Variants in STARD9 observed in about 807,000 individuals in gnomAD.
STARD9 encodes StAR related lipid transfer domain containing 9.
Under a neutral mutation model 399.8 loss-of-function variants are expected in STARD9, and 346 were observed. The ratio of observed to expected loss-of-function variants is 0.87; its 90% CI spans 0.79 to 0.95. The LOEUF is 0.95. STARD9 is among the 40% of genes least tolerant of loss of function. The pLI is 0.00. For missense variants in STARD9, 5,832 were observed against 5,667.5 expected (o/e 1.03, Z -0.93); for synonymous variants, 2,203 against 2,143.5 (o/e 1.03, Z -0.77).
chr15:42,636,396 T>G (rs2059418515), intron 4 of STARD9, among the ~76,000 whole-genome samples: 1 of 151,672 alleles, frequency 6.6e-6, no homozygotes, highest in Non-Finnish European at 1.5e-5. Context: ...GCCTGGCCAA[T>G]ATGGTGAAAC....
chr15:42,665,244 G>T lies in STARD9; in HGVS notation c.1177-9G>T, dbSNP rs1288357889. 2.6e-6 allele frequency: 4 copies of T among 1,535,336 alleles called. No individual in the cohort carries two copies. In the South Asian group the frequency reaches 4.8e-5, roughly 18 times the overall value. On this transcript the variant is annotated splice_polypyrimidine_tract_variant and intron_variant, in intron 13 of 32. Coordinates refer to ENST00000290607, the MANE Select transcript of STARD9 (RefSeq NM_020759.3). ...ACAATCAGTGGTGATGGAGTTCTCT[G>T]TGTTTCAGGATGCAAACTTAAAACT...
At position 42,695,789 on chromosome 15, in the gene STARD9, C is replaced by T. The variant is rs2060832941; in HGVS notation, c.13193C>T (p.Thr4398Ile). The change falls in exon 26 of 33, where the codon ACC becomes ATC. Residue 4398 changes from threonine to isoleucine, a missense_variant. Around this residue, in one of 2 missense-constraint regions of STARD9, gnomAD observed 5,828 missense variants for 5,651.1 expected, o/e 1.03. Coordinates refer to ENST00000290607, the MANE Select transcript of STARD9 (RefSeq NM_020759.3). ...TTGGCCAATTCCAGCTCCCTGTGCA[C>T]CAGCTCTAATGGAAGCCTCTCGTCT... ...HTLANSSSLCTSSNGSLSSGM... is the reference protein window; with the variant it reads ...HTLANSSSLCISSNGSLSSGM... 2 of 1,537,130 alleles carry T rather than the reference C, an allele frequency of 1.3e-6. No homozygotes were observed. Among genetic ancestry groups the T allele is most frequent in the African/African-American group, 2.7e-5 (2 of 73,052 alleles).
At chr15:42,695,528 AG>A (rs1770725768) in intron 25 of STARD9, among the ~76,000 whole-genome samples, 1 of 152,144 alleles carries the variant, frequency 6.6e-6, no homozygotes. Flanking sequence ...TGGGAGGAAG[AG>A]GCTTTGGTGT....
intron 13 of STARD9, among the ~76,000 whole-genome samples, chr15:42,664,823 C>CACACACAT (rs71431859): frequency 3.6e-4 from 55 of 151,588 alleles, no homozygotes; most frequent in African/African-American, 1.3e-3. Context: ...CACACACACA[C>CACACACAT]ACCCCATACG....
At chr15:42,637,859 G>A (rs1165084922) in intron 4 of STARD9, 48 bp from the exon 5 acceptor site, 2 of 1,530,436 alleles carry the variant, frequency 1.3e-6, no homozygotes, top group Non-Finnish European at 8.8e-7. Context: ...GTGGGGGAGA[G>A]CATCATCTTA....
At chr15:42,712,440 T>A (rs551060551) in intron 26 of STARD9, among the ~76,000 whole-genome samples, 1 of 152,034 alleles carries the variant, frequency 6.6e-6, no homozygotes, top group African/African-American at 2.4e-5. Context: ...AAGAGTTTTA[T>A]GCTTTTAGCT....
chr15:42,652,400 T>C, intron 8 of STARD9, 120 bp from the exon 9 acceptor site: 1 of 811,098 alleles, frequency 1.2e-6, no homozygotes, highest in East Asian at 2.7e-5. Flanking sequence ...TAAATATGTG[T>C]GTTTTATGAT....
At chr15:42,581,905 CTT>C (rs1403125245) in intron 1 of STARD9, among the ~76,000 whole-genome samples, 12 of 152,116 alleles carry the variant, frequency 7.9e-5, no homozygotes, top group Non-Finnish European at 2.9e-5. Context: ...AATCCCAGCA[CTT>C]TTGGAGACTG....
At chr15:42,622,769 TCTC>T (rs937778599) in intron 3 of STARD9, among the ~76,000 whole-genome samples, 6 of 152,146 alleles carry the variant, frequency 3.9e-5, no homozygotes, top group African/African-American at 1.4e-4. Context: ...ACATGGTTGT[TCTC>T]CTGTTTTGTC....
At chr15:42,576,178 C>A (rs1274324544) in intron 1 of STARD9, among the ~76,000 whole-genome samples, 1 of 152,128 alleles carries the variant, frequency 6.6e-6, no homozygotes, top group East Asian at 1.9e-4. Context: ...GCGTGGGCTT[C>A]TCTGCGAAGA....
intron 2 of STARD9, among the ~76,000 whole-genome samples, chr15:42,585,152 A>G (rs1450077544): frequency 6.6e-6 from 1 of 152,212 alleles, no homozygotes; most frequent in African/African-American, 2.4e-5. Flanking sequence ...ATCCAAAAAA[A>G]TCTGAAATCC....
intron 3 of STARD9, among the ~76,000 whole-genome samples, chr15:42,616,239 G>A (rs998793817): frequency 6.6e-6 from 1 of 152,188 alleles, no homozygotes; most frequent in East Asian, 1.9e-4. Flanking sequence ...CAAATGAAAG[G>A]TTAATAATGG....
At chr15:42,591,704 T>G (rs1000083450) in intron 3 of STARD9, among the ~76,000 whole-genome samples, 2 of 152,230 alleles carry the variant, frequency 1.3e-5, no homozygotes, top group Non-Finnish European at 2.9e-5. Context: ...TTAAAATTCC[T>G]TAGTGCTTTG....
At position 42,689,712 on chromosome 15, in the gene STARD9, C is replaced by A; in HGVS notation, c.8134C>A (p.Pro2712Thr). 3 of 1,537,852 alleles carry A rather than the reference C, an allele frequency of 2.0e-6. No homozygotes were observed. The Admixed American group carries it at 5.9e-5, about 30-fold the overall frequency. ...IEKKKDATRT[P>T]SSADPLAPDS... is the part of the protein sequence containing the mutation. ...GAAAAAGAAAGATGCAACCAGAACA[C>A]CTTCCTCAGCTGATCCTTTGGCCCC... Residue 2712 changes from proline (P) to threonine (T), a missense_variant, in exon 23 of 33, where the codon CCT (proline) becomes ACT (threonine). Around this residue, in one of 2 missense-constraint regions of STARD9, gnomAD observed 5,828 missense variants for 5,651.1 expected, o/e 1.03. Transcript: ENST00000290607.
At chr15:42,714,148 C>T (rs577645292) in intron 26 of STARD9, among the ~76,000 whole-genome samples, 50 of 151,132 alleles carry the variant, frequency 3.3e-4, no homozygotes, top group Non-Finnish European at 6.6e-4. Context: ...CTGCAAGCTC[C>T]GCTTCCTGGG....
Position 42,693,944 on chromosome 15 carries a change from G to A in STARD9, c.12366G>A (p.Met4122Ile), listed in dbSNP as rs2060778901. 12 of 1,504,836 alleles carry A rather than the reference G, an allele frequency of 8.0e-6. No individual in the cohort carries two copies. Among genetic ancestry groups the A allele is most frequent in the South Asian group, 3.8e-5 (3 of 78,784 alleles). 93.2% of individuals were successfully genotyped at this position (1,504,836 alleles called of 1,614,324 possible). A position where few individuals can be genotyped will look rare whatever the true frequency, so the allele number is the denominator to read the frequency against. ...AGTTACTGTGCTTCAGTTGCCAGAT[G>A]TGCATGGCCCCTGAGCACCAGCACC... ...PEELLCFSCQ[M>I]CMAPEHQHHS... Residue 4122 changes from methionine (M) to isoleucine (I), a missense_variant, in exon 23 of 33, where the codon ATG becomes ATA. Transcript: ENST00000290607.
At chr15:42,593,858 C>T (rs923436277) in intron 3 of STARD9, among the ~76,000 whole-genome samples, 5 of 151,422 alleles carry the variant, frequency 3.3e-5, no homozygotes, top group African/African-American at 7.3e-5. Context: ...TTAGTAGAGA[C>T]GGGGTTTCTC....
intron 21 of STARD9, among the ~76,000 whole-genome samples, 187 bp downstream of exon 21, chr15:42,681,799 C>T (rs117775549): frequency 2.3e-3 from 347 of 152,214 alleles, no homozygotes; most frequent in Middle Eastern, 6.8e-3. Flanking sequence ...AGAATAAGGA[C>T]GCTAATTTCC....
chr15:42,681,352 C>T, intron 20 of STARD9, 70 bp from the exon 21 acceptor site: 1 of 1,455,784 alleles, frequency 6.9e-7, no homozygotes. Flanking sequence ...GAAGGCCTTA[C>T]ACTGCTATCA....
Sources: allele counts gnomAD v4.1 joint callset (sites outside exome capture counted in the v4.1 genomes callset), GRCh38; gene constraint gnomAD v4.1.1; regional missense constraint gnomAD v4.1.1; transcripts MANE v1.5; gene names NCBI Gene and HGNC (gene_info 2026-07-23, HGNC 2026-07-21).